Variants in ZFP64 observed in about 807,000 individuals in gnomAD.
The protein encoded by ZFP64 is zinc finger protein 64.
In ZFP64, 14 loss-of-function variants were observed where a neutral mutation model predicts 51.6. That is an observed-to-expected ratio of 0.27 (90% CI 0.18 to 0.42). ZFP64 has a LOEUF of 0.42. ZFP64 is among the 10% of genes least tolerant of loss of function. The probability of loss-of-function intolerance (pLI) is 1.00; values close to 1 mark genes in which losing one functional copy is unlikely to be tolerated. For missense variants in ZFP64, 754 were observed against 906.8 expected, an observed-to-expected ratio of 0.83 and a Z score of 2.16; for synonymous variants, 375 against 361.4, an observed-to-expected ratio of 1.04 and a Z score of -0.43.
At chr20:52,125,503 C>G (rs1979405843) in intron 5 of ZFP64, among the ~76,000 whole-genome samples, 1 of 152,214 alleles carries the variant, frequency 6.6e-6, no homozygotes, top group Non-Finnish European at 1.5e-5. Flanking sequence ...CTAGTTAAAG[C>G]TCTGCTGAAA....
intron 5 of ZFP64, among the ~76,000 whole-genome samples, chr20:52,106,782 G>T (rs1443331641): frequency 6.6e-6 from 1 of 152,152 alleles, no homozygotes; most frequent in Non-Finnish European, 1.5e-5. Flanking sequence ...TAGTTACACG[G>T]ATCTGTAAAG....
intron 7 of ZFP64, among the ~76,000 whole-genome samples, chr20:52,091,292 G>A (rs1175742199): frequency 6.6e-6 from 1 of 152,136 alleles, no homozygotes; most frequent in African/African-American, 2.4e-5. Context: ...GAGGCCGGAA[G>A]GTTGAGACCA....
At chr20:52,101,892 G>C (rs1456582219) in intron 5 of ZFP64, among the ~76,000 whole-genome samples, 1 of 147,728 alleles carries the variant, frequency 6.8e-6, no homozygotes, top group Non-Finnish European at 1.5e-5. Context: ...GCTGAGGCAG[G>C]CGTCCCATCC....
chr20:52,124,776 CT>C lies in ZFP64; in HGVS notation c.764-26190del, dbSNP rs113311755. ...TACATCTGGCTAATTTTTGTATTTT[CT>C]TTTTTTTTTAGAGACAGGGTTTTTC... On this transcript the variant is annotated intron_variant, in intron 5 of 8. Transcript: ENST00000361387. Among the ~76,000 whole-genome samples the C allele has an allele frequency of 1.3e-3, 190 of 148,520 alleles. 2 individuals carry two copies. The highest frequency in any genetic ancestry group is 0.011 in the Admixed American group (160 of 14,810).
chr20:52,111,555 G>T (rs575191230), intron 5 of ZFP64, among the ~76,000 whole-genome samples: 1 of 151,756 alleles, frequency 6.6e-6, no homozygotes, highest in East Asian at 1.9e-4. Context: ...AATCCCCTTT[G>T]TTCACACAGA....
Position 52,156,894 on chromosome 20 carries a change from G to A in ZFP64, c.763+3229C>T, listed in dbSNP as rs1338926960. ...AAATTCTAGGCAGAACAGTGAAAGTGTTTTATAAGCTGCATATGATAAAAG... is the reference window on the plus strand; with the variant it reads ...AAATTCTAGGCAGAACAGTGAAAGTATTTTATAAGCTGCATATGATAAAAG... On this transcript the variant is annotated intron_variant, in intron 5 of 5. Transcript: ENST00000216923. Among the ~76,000 whole-genome samples, 3 of 152,174 alleles carry A rather than the reference G, an allele frequency of 2.0e-5. No homozygotes were observed. In the East Asian group the frequency reaches 5.8e-4, roughly 29 times the overall value.
At chr20:52,148,818 C>T (rs886149618), downstream of ZFP64, among the ~76,000 whole-genome samples, 14 of 152,036 alleles carry the variant, frequency 9.2e-5, no homozygotes, top group African/African-American at 4.8e-5. Context: ...GAAGGATGGA[C>T]GTTCTTAGAA....
chr20:52,113,720 C>T (rs572623010), intron 5 of ZFP64, among the ~76,000 whole-genome samples: 1 of 151,696 alleles, frequency 6.6e-6, no homozygotes, highest in Admixed American at 6.6e-5. Flanking sequence ...ATTATAGGCA[C>T]GAGCCACCAT....
intron 5 of ZFP64, among the ~76,000 whole-genome samples, chr20:52,118,428 G>A (rs1177799476): frequency 2.6e-5 from 4 of 152,222 alleles, no homozygotes; most frequent in Non-Finnish European, 5.9e-5. Context: ...CTCCAGGGCA[G>A]GGTGTGGCAG....
intron 5 of ZFP64, among the ~76,000 whole-genome samples, chr20:52,140,228 G>T (rs556481238): frequency 6.6e-6 from 1 of 152,054 alleles, no homozygotes; most frequent in South Asian, 2.1e-4. Flanking sequence ...CCCTACAATG[G>T]CCTCTAAGTG....
At chr20:52,165,055 G>C (rs1462322936) in intron 3 of ZFP64, 1 of 533,540 alleles carries the variant, frequency 1.9e-6, no homozygotes, top group Non-Finnish European at 3.6e-6. Context: ...GCTTATGAAA[G>C]ATAAATGCTT....
At chr20:52,097,514 G>T in intron 6 of ZFP64, 1 of 1,351,746 alleles carries the variant, frequency 7.4e-7, no homozygotes. Flanking sequence ...GAGTGCAGTG[G>T]CTCCATCTCG....
intron 5 of ZFP64, among the ~76,000 whole-genome samples, chr20:52,108,793 GCCA>G (rs1978390580): frequency 6.6e-6 from 1 of 151,732 alleles, no homozygotes. Flanking sequence ...ACAGGTGTGA[GCCA>G]CTGCGCCCGG....
At chr20:52,189,036 G>C (rs1984182537) in intron 1 of ZFP64, among the ~76,000 whole-genome samples, 1 of 152,036 alleles carries the variant, frequency 6.6e-6, no homozygotes, top group Admixed American at 6.6e-5. Context: ...TTATAAAGAA[G>C]GGGAAAATCA....
intron 7 of ZFP64, among the ~76,000 whole-genome samples, chr20:52,091,466 T>C (rs2078926001): frequency 6.6e-6 from 1 of 152,166 alleles, no homozygotes; most frequent in Non-Finnish European, 1.5e-5. Flanking sequence ...AGTAGGAATA[T>C]CAATTTTAGC....
chr20:52,116,399 G>C (rs927109845), intron 5 of ZFP64, among the ~76,000 whole-genome samples: 4 of 151,068 alleles, frequency 2.6e-5, no homozygotes, highest in Non-Finnish European at 5.9e-5. Flanking sequence ...GCCTCCCAAA[G>C]TGTTGGGATT....
At chr20:52,182,303 G>A in intron 2 of ZFP64, among the ~76,000 whole-genome samples, 1 of 152,132 alleles carries the variant, frequency 6.6e-6, no homozygotes, top group Non-Finnish European at 1.5e-5. Flanking sequence ...TGTGTGCCAG[G>A]CACAAACAGG....
Position 52,143,217 on chromosome 20 carries a change from G to C in ZFP64, c.763+16906C>G, listed in dbSNP as rs749696199. On this transcript the variant is annotated intron_variant, in intron 5 of 8. Coordinates refer to the ZFP64 transcript ENST00000361387. ...ATATTTGCTTTATTGTGGTGGTCTGGAACCAAACTCACAATATCTCCGAAA... is the reference window on the plus strand; with the variant it reads ...ATATTTGCTTTATTGTGGTGGTCTGCAACCAAACTCACAATATCTCCGAAA... Among the ~76,000 whole-genome samples the C allele has an allele frequency of 2.8e-5, 4 of 142,540 alleles. 1 individual carries two copies. The highest frequency in any genetic ancestry group is 5.0e-5 in the African/African-American group (2 of 39,902). The allele number at this position is 142,540 out of a possible 152,430, so 93.5% of individuals were successfully genotyped here. A position where few individuals can be genotyped will look rare whatever the true frequency, so the allele number is the denominator to read the frequency against.
At chr20:52,156,182 A>C (rs1054607969) in intron 5 of ZFP64, among the ~76,000 whole-genome samples, 1 of 152,180 alleles carries the variant, frequency 6.6e-6, no homozygotes, top group Non-Finnish European at 1.5e-5. Flanking sequence ...CCAATGTCTG[A>C]ACTTGCTGTA....
Sources: allele counts gnomAD v4.1 joint callset (sites outside exome capture counted in the v4.1 genomes callset), GRCh38; gene constraint gnomAD v4.1.1; transcripts MANE v1.5; gene names NCBI Gene and HGNC (gene_info 2026-07-23, HGNC 2026-07-21).